Variants in MSRA observed in about 807,000 individuals in gnomAD.
MSRA encodes methionine sulfoxide reductase A, also known as mitochondrial peptide methionine sulfoxide reductase.
Under a neutral mutation model 31.3 loss-of-function variants are expected in MSRA, and 54 were observed. The ratio of observed to expected loss-of-function variants is 1.73; its 90% CI spans 1.39 to 2.17. The LOEUF is 2.17. Ranked by LOEUF, MSRA falls within the 30% of genes most tolerant of loss-of-function variation. The pLI, the probability that MSRA is intolerant of heterozygous loss-of-function variation, is 0.00. For synonymous variants in MSRA, 169 were observed against 116.5 expected (o/e 1.45, Z -2.90); for missense variants, 507 against 300.9 (o/e 1.69, Z -5.07).
intron 1 of MSRA, among the ~76,000 whole-genome samples, chr8:10,185,698 G>T (rs1024228584): frequency 1.3e-5 from 2 of 152,190 alleles, no homozygotes; most frequent in African/African-American, 4.8e-5. Context: ...TTCAGCTACT[G>T]TGACGCTTTT....
chr8:10,273,912 C>T (rs1449468848), intron 3 of MSRA, among the ~76,000 whole-genome samples: 2 of 152,078 alleles, frequency 1.3e-5, no homozygotes, highest in African/African-American at 4.8e-5. Flanking sequence ...AGCAGCTATC[C>T]TAAGAGGTCT....
intron 2 of MSRA, among the ~76,000 whole-genome samples, chr8:10,242,341 A>C (rs1797378369): frequency 6.6e-6 from 1 of 152,072 alleles, no homozygotes; most frequent in African/African-American, 2.4e-5. Flanking sequence ...TCAGGGGTGG[A>C]CACTTAGATG....
intron 3 of MSRA, among the ~76,000 whole-genome samples, chr8:10,263,187 C>T (rs369149789): frequency 4.6e-5 from 7 of 152,202 alleles, no homozygotes; most frequent in African/African-American, 1.4e-4. Flanking sequence ...AATGGCTAAA[C>T]TCAAAATCTT....
At chr8:10,185,733 ACTGAC>A (rs1806983883) in intron 1 of MSRA, among the ~76,000 whole-genome samples, 1 of 152,156 alleles carries the variant, frequency 6.6e-6, no homozygotes, top group African/African-American at 2.4e-5. Context: ...TGAGGCCTGA[ACTGAC>A]CATTCACTCA....
intron 5 of MSRA, among the ~76,000 whole-genome samples, chr8:10,356,926 A>G (rs1804544575): frequency 1.3e-5 from 2 of 148,782 alleles, no homozygotes; most frequent in Non-Finnish European, 3.0e-5. Context: ...GTGTCTTTGA[A>G]GTCTCCTTTA....
chr8:10,332,451 T>TCC (rs373121180), intron 5 of MSRA, among the ~76,000 whole-genome samples: 2,026 of 146,040 alleles, frequency 0.014, 64 homozygotes, highest in African/African-American at 0.04. Flanking sequence ...AAAAGAAAAA[T>TCC]CCCCCCTCCC....
chr8:10,241,238 G>T (rs575906537), intron 2 of MSRA, among the ~76,000 whole-genome samples: 2 of 152,114 alleles, frequency 1.3e-5, no homozygotes, highest in Admixed American at 6.5e-5. Context: ...TGGTGAAATG[G>T]TCGATTCTGG....
chr8:10,343,352 A>G (rs1448941045), intron 5 of MSRA, among the ~76,000 whole-genome samples: 1 of 152,348 alleles, frequency 6.6e-6, no homozygotes, highest in African/African-American at 2.4e-5. Flanking sequence ...GCTGTACGTC[A>G]TGCAGGAGTG....
intron 1 of MSRA, among the ~76,000 whole-genome samples, chr8:10,083,225 C>T (rs546311848): frequency 6.6e-6 from 1 of 152,316 alleles, no homozygotes. Context: ...TTAACATCAG[C>T]AGATGACAAT....
chr8:10,426,348 C>T (rs188918891), intron 5 of MSRA, among the ~76,000 whole-genome samples: 1 of 152,156 alleles, frequency 6.6e-6, no homozygotes, highest in Non-Finnish European at 1.5e-5. Context: ...CAGGGCTGTT[C>T]GCGTGAAGGT....
chr8:10,276,435 C>G (rs1799325891), intron 3 of MSRA, among the ~76,000 whole-genome samples: 1 of 152,174 alleles, frequency 6.6e-6, no homozygotes, highest in African/African-American at 2.4e-5. Context: ...TCTGTAAGGA[C>G]CTGACAATTC....
chr8:10,346,669 C>T (rs1803796100), intron 5 of MSRA, among the ~76,000 whole-genome samples: 1 of 152,180 alleles, frequency 6.6e-6, no homozygotes, highest in South Asian at 2.1e-4. Flanking sequence ...GGGGAAGTTG[C>T]AGACAGGCTA....
chr8:10,098,260 C>T (rs1183152640), intron 1 of MSRA, among the ~76,000 whole-genome samples: 5 of 152,006 alleles, frequency 3.3e-5, no homozygotes, highest in Non-Finnish European at 2.9e-5. Context: ...TAATTATGGT[C>T]GTTTGAATTG....
chr8:10,264,965 G>A (rs1798671075), intron 3 of MSRA, among the ~76,000 whole-genome samples: 1 of 152,088 alleles, frequency 6.6e-6, no homozygotes, highest in African/African-American at 2.4e-5. Flanking sequence ...CACTGGAGCT[G>A]GGGTACAGCT....
rs567204196 is a variant in MSRA at position 10,411,246 on chromosome 8, G to A, written c.544-16902G>A. The stretch of plus-strand genomic sequence containing the variant: ...ATGCTATCACCTGCAGCTTTGAGAC[G>A]TCACGCTGACAGTATCACAGGAAAA... On this transcript the variant is annotated intron_variant, in intron 5 of 5. Coordinates refer to ENST00000317173, the MANE Select transcript of MSRA (RefSeq NM_012331.5). 6.6e-5 allele frequency: 10 copies of A among 152,316 alleles called. No homozygotes were observed. The South Asian group carries it at 1.0e-3, about 16-fold the overall frequency. 9.4% of individuals were successfully genotyped at this position (152,316 alleles called of 1,614,324 possible). A position where few individuals can be genotyped will look rare whatever the true frequency, so the allele number is the denominator to read the frequency against.
chr8:10,192,957 A>T (rs920188808), intron 1 of MSRA, among the ~76,000 whole-genome samples: 3 of 152,318 alleles, frequency 2.0e-5, no homozygotes, highest in Non-Finnish European at 4.4e-5. Context: ...TGCCCATATT[A>T]TATTATGTTC....
At chr8:10,413,064 C>T (rs930048541) in intron 5 of MSRA, among the ~76,000 whole-genome samples, 3 of 152,182 alleles carry the variant, frequency 2.0e-5, no homozygotes, top group African/African-American at 7.2e-5. Context: ...AAACAGGAAA[C>T]AACCTAAGTG....
intron 5 of MSRA, among the ~76,000 whole-genome samples, chr8:10,365,273 C>A (rs530300001): frequency 6.6e-6 from 1 of 152,278 alleles, no homozygotes; most frequent in African/African-American, 2.4e-5. Context: ...CCCCCGCTCC[C>A]TCCGAGCATC....
intron 3 of MSRA, among the ~76,000 whole-genome samples, chr8:10,283,129 TACACACACAC>T (rs66507479): frequency 1.4e-5 from 2 of 138,488 alleles, no homozygotes; most frequent in Admixed American, 7.2e-5. Context: ...ATATTCACAT[TACACACACAC>T]ACACACACAC....
Sources: allele counts gnomAD v4.1 joint callset (sites outside exome capture counted in the v4.1 genomes callset), GRCh38; gene constraint gnomAD v4.1.1; transcripts MANE v1.5; gene names NCBI Gene and HGNC (gene_info 2026-07-23, HGNC 2026-07-21).